Variants in ZFAND3 observed in about 807,000 individuals in gnomAD.
ZFAND3 encodes zinc finger AN1-type containing 3, also known as AN1-type zinc finger protein 3.
Under a neutral mutation model 29.6 loss-of-function variants are expected in ZFAND3, and 10 were observed. That is an observed-to-expected ratio of 0.34 (90% CI 0.21 to 0.57). The LOEUF (loss-of-function observed/expected upper bound fraction) is 0.57, where lower values mean the gene tolerates loss of function less well. Ranked by LOEUF, ZFAND3 falls within the 20% of genes least tolerant of loss-of-function variation. The probability of loss-of-function intolerance (pLI) is 0.86; values close to 1 mark genes in which losing one functional copy is unlikely to be tolerated. For synonymous variants in ZFAND3, 128 were observed against 112.6 expected (o/e 1.14, Z -0.87); for missense variants, 230 against 304.5 (o/e 0.76, Z 1.82).
chr6:38,116,775 A>G, intron 5 of ZFAND3, 36 bp downstream of exon 5: 1 of 1,601,740 alleles, frequency 6.2e-7, no homozygotes, highest in Non-Finnish European at 8.5e-7. Flanking sequence ...TGGAGACTAT[A>G]TCCTTAACAC....
At chr6:38,102,543 G>A (rs1283572560) in intron 4 of ZFAND3, among the ~76,000 whole-genome samples, 1 of 152,120 alleles carries the variant, frequency 6.6e-6, no homozygotes, top group Non-Finnish European at 1.5e-5. Flanking sequence ...CCAAGGTGTT[G>A]GGGTACAGCA....
chr6:37,912,940 T>G (rs1330360210), intron 1 of ZFAND3, among the ~76,000 whole-genome samples: 3 of 152,226 alleles, frequency 2.0e-5, no homozygotes, highest in African/African-American at 7.2e-5. Flanking sequence ...CGAGTACATA[T>G]AAAAGTTATG....
intron 1 of ZFAND3, among the ~76,000 whole-genome samples, chr6:37,850,776 C>T (rs897509048): frequency 1.8e-4 from 27 of 152,240 alleles, no homozygotes; most frequent in East Asian, 5.8e-4. Context: ...CTATAGTTAA[C>T]GGAGGCAGCG....
At chr6:37,904,392 C>G (rs551581609) in intron 1 of ZFAND3, among the ~76,000 whole-genome samples, 4 of 152,268 alleles carry the variant, frequency 2.6e-5, no homozygotes, top group African/African-American at 9.6e-5. Context: ...CATTTAATCA[C>G]CATTCCAATC....
At chr6:38,026,580 C>T (rs1763453892) in intron 2 of ZFAND3, among the ~76,000 whole-genome samples, 2 of 151,860 alleles carry the variant, frequency 1.3e-5, no homozygotes, top group African/African-American at 2.4e-5. Context: ...CAGGTGTGCA[C>T]CCCCATGCCC....
chr6:37,854,249 C>T (rs1764336264), intron 1 of ZFAND3, among the ~76,000 whole-genome samples: 1 of 152,194 alleles, frequency 6.6e-6, no homozygotes, highest in South Asian at 2.1e-4. Context: ...CTGCGCCCGG[C>T]TTGCCTTTCT....
intron 1 of ZFAND3, among the ~76,000 whole-genome samples, chr6:37,839,500 T>C (rs1764031380): frequency 7.3e-6 from 1 of 137,092 alleles, no homozygotes; most frequent in African/African-American, 2.8e-5. Context: ...TTTTATTTTT[T>C]ATTTTTTGTT....
chr6:38,083,306 A>G (rs896153368), intron 4 of ZFAND3, among the ~76,000 whole-genome samples: 3 of 152,136 alleles, frequency 2.0e-5, no homozygotes, highest in Admixed American at 6.5e-5. Context: ...GCATAGTTTC[A>G]AAGTAACATC....
At chr6:37,973,420 G>T (rs376062310) in intron 2 of ZFAND3, among the ~76,000 whole-genome samples, 3 of 152,288 alleles carry the variant, frequency 2.0e-5, no homozygotes, top group African/African-American at 7.2e-5. Context: ...AAAAGCTACT[G>T]TCTTTCTCTA....
intron 4 of ZFAND3, among the ~76,000 whole-genome samples, chr6:38,115,463 A>G (rs1210591688): frequency 6.6e-6 from 1 of 152,186 alleles, no homozygotes; most frequent in Admixed American, 6.5e-5. Context: ...TAACAGAGTC[A>G]CTTGTCTGCT....
chr6:37,840,159 G>A (rs143678324), intron 1 of ZFAND3, among the ~76,000 whole-genome samples: 203 of 151,748 alleles, frequency 1.3e-3, no homozygotes, highest in African/African-American at 4.7e-3. Flanking sequence ...GTGCAGTGGC[G>A]CGATCTCGGC....
At chr6:37,965,907 C>G (rs764977111) in intron 2 of ZFAND3, among the ~76,000 whole-genome samples, 2 of 152,054 alleles carry the variant, frequency 1.3e-5, no homozygotes, top group African/African-American at 2.4e-5. Context: ...GGACTATAGG[C>G]ATGTGCTACC....
intron 4 of ZFAND3, among the ~76,000 whole-genome samples, chr6:38,086,934 C>T (rs1305630226): frequency 6.6e-6 from 1 of 152,116 alleles, no homozygotes; most frequent in Non-Finnish European, 1.5e-5. Flanking sequence ...TATGAGACTT[C>T]AATTTATACT....
At chr6:38,014,265 A>G (rs888455718) in intron 2 of ZFAND3, among the ~76,000 whole-genome samples, 1 of 152,006 alleles carries the variant, frequency 6.6e-6, no homozygotes, top group African/African-American at 2.4e-5. Flanking sequence ...TAACACAGAT[A>G]AATCACTAAT....
At chr6:38,080,324 A>G (rs1322677477) in intron 3 of ZFAND3, among the ~76,000 whole-genome samples, 1 of 151,414 alleles carries the variant, frequency 6.6e-6, no homozygotes, top group Non-Finnish European at 1.5e-5. Flanking sequence ...ATATATTAAA[A>G]TATATAATCT....
chr6:37,837,844 G>A (rs1763998072), intron 1 of ZFAND3, among the ~76,000 whole-genome samples: 4 of 152,160 alleles, frequency 2.6e-5, no homozygotes, highest in African/African-American at 9.7e-5. Context: ...ATAGAGAACA[G>A]CGTGTATACC....
chr6:38,016,971 A>G (rs1002706505), intron 2 of ZFAND3, among the ~76,000 whole-genome samples: 6 of 152,132 alleles, frequency 3.9e-5, no homozygotes, highest in Non-Finnish European at 7.4e-5. Context: ...CTCTCCCCCA[A>G]ATGTCTTGAA....
chr6:37,946,031 T>A (rs1761895855), intron 2 of ZFAND3, among the ~76,000 whole-genome samples: 1 of 152,162 alleles, frequency 6.6e-6, no homozygotes, highest in Non-Finnish European at 1.5e-5. Flanking sequence ...AAAGGGTTGG[T>A]GTGGTTTGTT....
intron 2 of ZFAND3, among the ~76,000 whole-genome samples, chr6:38,017,271 C>T (rs1242757731): frequency 6.6e-6 from 1 of 152,166 alleles, no homozygotes; most frequent in Admixed American, 6.5e-5. Flanking sequence ...TAACTCACAG[C>T]TTATGGAGGG....
Sources: gnomAD v4.1 joint callset for allele counts (sites outside exome capture counted in the v4.1 genomes callset) on GRCh38, gnomAD v4.1.1 for gene constraint, MANE v1.5 for transcripts, NCBI Gene and HGNC (gene_info 2026-07-23, HGNC 2026-07-21) for gene names.